GJC2: variants seen among roughly 807,000 people sequenced by gnomAD.
The protein encoded by GJC2 is gap junction gamma-2 protein.
For synonymous variants in GJC2, 336 were observed against 307.5 expected, an observed-to-expected ratio of 1.09 and a Z score of -0.97; for missense variants, 647 against 648.9, an observed-to-expected ratio of 1.00 and a Z score of 0.03.
intron 1 of GJC2, among the ~76,000 whole-genome samples, chr1:228,155,498 G>A (rs2034668117): frequency 1.3e-5 from 2 of 152,326 alleles, no homozygotes; most frequent in South Asian, 4.1e-4. Context: ...GCTCTGCAGA[G>A]CAGAGTGGCA....
chr1:228,157,741 A>ACACCC lies in GJC2; in HGVS notation c.-17_-16insACCCC. Reference sequence around the variant, plus strand: ...GCTGACCCCTACCCCGCCCCACAGGACCCGCCCGCCCGCCCCTATGACCAA... The same window carrying ACACCC: ...GCTGACCCCTACCCCGCCCCACAGGACACCCCCCGCCCGCCCGCCCCTATGACCAA... On this transcript the variant is annotated splice_region_variant and 5_prime_UTR_variant, in exon 2 of 2. Transcript: ENST00000366714. 75 of 354,468 alleles carry ACACCC rather than the reference A, an allele frequency of 2.1e-4. No individual in the cohort carries two copies. The highest frequency in any genetic ancestry group is 4.6e-4 in the South Asian group (24 of 52,104). The allele number at this position is 354,468 out of a possible 1,614,324, so 22.0% of individuals were successfully genotyped here.
Position 228,158,859 on chromosome 1 carries a change from C to A in GJC2, c.1101C>A (p.Arg367=). The change falls in exon 2 of 2, where the codon CGC becomes CGA. Residue 367 remains arginine, a synonymous_variant. Transcript: ENST00000366714. This position sits in a 1 kb window ranked among gnomAD's most constrained non-coding sequence, Gnocchi z 8.3. ...ALRDGAAAGD[R]DRDSSPCVGL... ...GCGACGGGGCAGCGGCTGGGGACCGCGACCGGGACAGTTCGCCGTGCGTCG... is the reference window on the plus strand; with the variant it reads ...GCGACGGGGCAGCGGCTGGGGACCGAGACCGGGACAGTTCGCCGTGCGTCG... The A allele has an allele frequency of 6.8e-7, 1 of 1,478,038 alleles. No individual in the cohort carries two copies. The highest frequency in any genetic ancestry group is 1.5e-5 in the African/African-American group (1 of 67,630). 91.6% of individuals were successfully genotyped at this position (1,478,038 alleles called of 1,614,324 possible). A position where few individuals can be genotyped will look rare whatever the true frequency, so the allele number is the denominator to read the frequency against.
rs559803779 is a variant in GJC2 at position 228,157,602 on chromosome 1, C to A, written c.-19-138C>A. 1.6e-4 allele frequency: 100 copies of A among 612,566 alleles called. No homozygotes were observed. In the South Asian group the frequency reaches 1.9e-3, roughly 12 times the overall value. 37.9% of individuals were successfully genotyped at this position (612,566 alleles called of 1,614,324 possible). The stretch of plus-strand genomic sequence containing the variant: ...CGGATCAGGTGGGGGCTTCCACTTC[C>A]GTTTAAGGCGGTAAGCTCCACGTCA... On this transcript the variant is annotated intron_variant, in intron 1 of 1. Coordinates refer to ENST00000366714, the MANE Select transcript of GJC2 (RefSeq NM_020435.4).
intron 1 of GJC2, among the ~76,000 whole-genome samples, chr1:228,157,185 G>A (rs1200699956): frequency 1.3e-5 from 2 of 152,182 alleles, no homozygotes; most frequent in Non-Finnish European, 2.9e-5. Context: ...AGGGTGTGGA[G>A]GGAGGCAGAG....
intron 1 of GJC2, among the ~76,000 whole-genome samples, chr1:228,155,884 G>C (rs2034671806): frequency 6.6e-6 from 1 of 152,262 alleles, no homozygotes; most frequent in African/African-American, 2.4e-5. Flanking sequence ...CATTACTGCA[G>C]GCTGCCCCCA....
chr1:228,154,311 A>G (rs1295788723), intron 1 of GJC2, among the ~76,000 whole-genome samples: 1 of 152,124 alleles, frequency 6.6e-6, no homozygotes, highest in Non-Finnish European at 1.5e-5. Context: ...GATGTTCTGT[A>G]GCATGCCCCT....
rs925200866 is a variant in GJC2, at chr1:228,151,896, G to T, written c.-20+1889G>T. On this transcript the variant is annotated intron_variant, in intron 1 of 1. Transcript: ENST00000366714. This position sits in a 1 kb window ranked among gnomAD's most constrained non-coding sequence, Gnocchi z 5.4. ...CCAGGACAGGCAGCTGGGGGCTCAG[G>T]CAGGGACATGGAGGACAGGTAGTGG... Among the ~76,000 whole-genome samples the T allele has an allele frequency of 6.6e-6, 1 of 152,160 alleles. No homozygotes were observed. Among genetic ancestry groups the T allele is most frequent in the Non-Finnish European group, 1.5e-5 (1 of 68,004 alleles).
In GJC2 at chr1:228,151,676, G is replaced by T. The variant is rs2034618300; in HGVS notation, c.-20+1669G>T. On this transcript the variant is annotated intron_variant, in intron 1 of 1. Coordinates refer to ENST00000366714, the MANE Select transcript of GJC2 (RefSeq NM_020435.4). The surrounding 1 kb of genome is among the most constrained non-coding windows in gnomAD (Gnocchi z 5.4). The stretch of plus-strand genomic sequence containing the variant: ...GGATGGCTGGTGCCCACACCCAGTG[G>T]GGCCTACTGCTGCACAGGCAGGACA... Among the ~76,000 whole-genome samples, 1 of 152,074 alleles carries T rather than the reference G, an allele frequency of 6.6e-6. No individual in the cohort carries two copies. The highest frequency in any genetic ancestry group is 6.5e-5 in the Admixed American group (1 of 15,280).
In GJC2 at chr1:228,157,992, C is replaced by T. The variant is rs1260988756; in HGVS notation, c.234C>T (p.Arg78=). The change falls in exon 2 of 2, where the codon CGC becomes CGT. Residue 78 remains arginine (R), a synonymous_variant. Transcript: ENST00000366714. ...CCTTCGCGCCCCTGTCGCACGTGCG[C>T]TTCTGGGTCTTCCAGATTGTGGTCA... The part of the protein sequence containing the change: ...YDAFAPLSHV[R]FWVFQIVVIS... 1 of 1,612,128 alleles carries T rather than the reference C, an allele frequency of 6.2e-7. No homozygotes were observed. The highest frequency in any genetic ancestry group is 8.5e-7 in the Non-Finnish European group (1 of 1,179,728).
In GJC2 at chr1:228,158,986, G is replaced by A. The variant is rs780938071; in HGVS notation, c.1228G>A (p.Gly410Ser). 35 of 1,602,970 alleles carry A rather than the reference G, an allele frequency of 2.2e-5. 1 individual carries two copies. The Admixed American group carries it at 2.5e-4, about 12-fold the overall frequency. Residue 410 changes from glycine to serine, a missense_variant, in exon 2 of 2, where the codon GGC becomes AGC. Physicochemically the swap from Gly to Ser is moderately conservative, Grantham distance 56. Coordinates refer to ENST00000366714, the MANE Select transcript of GJC2 (RefSeq NM_020435.4). The surrounding 1 kb of genome is among the most constrained non-coding windows in gnomAD (Gnocchi z 8.3). Reference protein sequence around the residue: ...AGTVGEQGRPGTHERPGAKPR... With the variant: ...AGTVGEQGRPSTHERPGAKPR... ...CACTGTCGGGGAGCAGGGCCGGCCCGGCACCCACGAGCGGCCAGGAGCCAA... is the reference window on the plus strand; with the variant it reads ...CACTGTCGGGGAGCAGGGCCGGCCCAGCACCCACGAGCGGCCAGGAGCCAA...
rs1427200909 is a variant in GJC2, at chr1:228,158,845, G to A, written c.1087G>A (p.Ala363Thr). 6.8e-7 allele frequency: 1 copy of A among 1,471,842 alleles called. No homozygotes were observed. Among genetic ancestry groups the A allele is most frequent in the East Asian group, 3.0e-5 (1 of 33,698 alleles). 91.2% of individuals were successfully genotyped at this position (1,471,842 alleles called of 1,614,324 possible). The change falls in exon 2 of 2, where the codon GCG (alanine) becomes ACG (threonine). Residue 363 changes from alanine (A) to threonine (T), a missense_variant. Transcript: ENST00000366714. This position sits in a 1 kb window ranked among gnomAD's most constrained non-coding sequence, Gnocchi z 8.3. ...LALQALRDGA[A>T]AGDRDRDSSP... ...CCTGCAGGCGCTGCGCGACGGGGCA[G>A]CGGCTGGGGACCGCGACCGGGACAG...
rs2124961590 is a variant in GJC2 at position 228,150,547 on chromosome 1, A to G, written c.-20+540A>G. Reference sequence around the variant, plus strand: ...GCCCAGCCTAGGTCTGAAGCCCAGCAGACCCTGTGGTCAAGGATCCAACCC... The same window carrying G: ...GCCCAGCCTAGGTCTGAAGCCCAGCGGACCCTGTGGTCAAGGATCCAACCC... On this transcript the variant is annotated intron_variant, in intron 1 of 1. Transcript: ENST00000366714. This position sits in a 1 kb window ranked among gnomAD's most constrained non-coding sequence, Gnocchi z 4.6. Among the ~76,000 whole-genome samples the G allele has an allele frequency of 6.6e-6, 1 of 152,332 alleles. No homozygotes were observed. The highest frequency in any genetic ancestry group is 2.4e-5 in the African/African-American group (1 of 41,574).
chr1:228,159,195 C>T lies in GJC2; in HGVS notation c.*117C>T, dbSNP rs2034738069. 5 of 1,218,148 alleles carry T rather than the reference C, an allele frequency of 4.1e-6. No homozygotes were observed. The highest frequency in any genetic ancestry group is 3.5e-6 in the Non-Finnish European group (3 of 861,598). The allele number at this position is 1,218,148 out of a possible 1,614,324, so 75.5% of individuals were successfully genotyped here. On this transcript the variant is annotated 3_prime_UTR_variant, in exon 2 of 2. Transcript: ENST00000366714. The surrounding 1 kb of genome is among the most constrained non-coding windows in gnomAD (Gnocchi z 4.0). ...CCGGTGGCCTCAGGCAGACTCTGCC[C>T]AGAGGGGCAGCCAGGCTGCTCAGGG...
Position 228,152,899 on chromosome 1 carries a change from C to G in GJC2, c.-20+2892C>G, listed in dbSNP as rs2034637294. Among the ~76,000 whole-genome samples, 1 of 152,166 alleles carries G rather than the reference C, an allele frequency of 6.6e-6. No homozygotes were observed. The highest frequency in any genetic ancestry group is 1.5e-5 in the Non-Finnish European group (1 of 68,016). On this transcript the variant is annotated intron_variant, in intron 1 of 1. Transcript: ENST00000366714. This position sits in a 1 kb window ranked among gnomAD's most constrained non-coding sequence, Gnocchi z 7.3. ...CCCCCTACCTCGCCCTGACACCTTACTAACCCCAGCAGCTGCCTCCTCCCA... is the reference window on the plus strand; with the variant it reads ...CCCCCTACCTCGCCCTGACACCTTAGTAACCCCAGCAGCTGCCTCCTCCCA...
Position 228,154,521 on chromosome 1 carries a change from TC to T in GJC2, c.-19-3216del, listed in dbSNP as rs1473916877. ...ATGCTGCAGAGGCGCTCTCCCCCTCTCCCTCCCACACCCTCTGAAGCCAGGT... is the reference window on the plus strand; with the variant it reads ...ATGCTGCAGAGGCGCTCTCCCCCTCTCCTCCCACACCCTCTGAAGCCAGGT... On this transcript the variant is annotated intron_variant, in intron 1 of 1. Transcript: ENST00000366714. Among the ~76,000 whole-genome samples, 7 of 152,094 alleles carry T rather than the reference TC, an allele frequency of 4.6e-5. No individual in the cohort carries two copies. The South Asian group carries it at 8.3e-4, about 18-fold the overall frequency.
At chr1:228,157,638 A>G (rs1249891473) in intron 1 of GJC2, 102 bp from the exon 2 acceptor site, 1 of 661,110 alleles carries the variant, frequency 1.5e-6, no homozygotes, top group Non-Finnish European at 2.6e-6. Flanking sequence ...TTGACTGTGT[A>G]AGCAGAGAGG....
chr1:228,159,147 C>G lies in GJC2; in HGVS notation c.*69C>G. On this transcript the variant is annotated 3_prime_UTR_variant, in exon 2 of 2. Coordinates refer to ENST00000366714, the MANE Select transcript of GJC2 (RefSeq NM_020435.4). This position sits in a 1 kb window ranked among gnomAD's most constrained non-coding sequence, Gnocchi z 4.0. ...GGGCTCCGGTGGAAACCTGCGACCC[C>G]TTCTCCTCAGCCTTCTCCTTAGCCG... 1 of 1,545,936 alleles carries G rather than the reference C, an allele frequency of 6.5e-7. No individual in the cohort carries two copies. The highest frequency in any genetic ancestry group is 8.9e-7 in the Non-Finnish European group (1 of 1,127,156).
rs2034637690 is a variant in GJC2 at position 228,152,942 on chromosome 1, G to A, written c.-20+2935G>A. On this transcript the variant is annotated intron_variant, in intron 1 of 1. Coordinates refer to ENST00000366714, the MANE Select transcript of GJC2 (RefSeq NM_020435.4). This position sits in a 1 kb window ranked among gnomAD's most constrained non-coding sequence, Gnocchi z 7.3. ...TCCTCCCAGACTCTGAAGCCCAAGG[G>A]TGCCTCCAGTTCTTTGGCCAAGCTG... Among the ~76,000 whole-genome samples, 1 of 152,122 alleles carries A rather than the reference G, an allele frequency of 6.6e-6. No individual in the cohort carries two copies. Among genetic ancestry groups the A allele is most frequent in the African/African-American group, 2.4e-5 (1 of 41,402 alleles).
intron 1 of GJC2, among the ~76,000 whole-genome samples, chr1:228,154,290 AAC>A (rs2034655274): frequency 6.6e-6 from 1 of 152,122 alleles, no homozygotes; most frequent in Non-Finnish European, 1.5e-5. Flanking sequence ...TGTCTGGATG[AAC>A]ACTGGCCGGA....
Sources: allele counts gnomAD v4.1 joint callset (sites outside exome capture counted in the v4.1 genomes callset), GRCh38; gene constraint gnomAD v4.1.1; non-coding constraint Gnocchi (gnomAD v3.1); transcripts MANE v1.5; gene names NCBI Gene and HGNC (gene_info 2026-07-23, HGNC 2026-07-21).